MRPS28: variants seen among roughly 807,000 people sequenced by gnomAD.
MRPS28 encodes small ribosomal subunit protein bS1m.
Under a neutral mutation model 10.8 loss-of-function variants are expected in MRPS28, and 7 were observed. That is an observed-to-expected ratio of 0.65 (90% CI 0.37 to 1.22). MRPS28 has a LOEUF of 1.22. MRPS28 is among the 50% of genes most tolerant of loss of function. The probability of loss-of-function intolerance (pLI) is 0.02; values close to 1 mark genes in which losing one functional copy is unlikely to be tolerated. For missense variants in MRPS28, 265 were observed against 232.9 expected, an observed-to-expected ratio of 1.14 and a Z score of -0.90; for synonymous variants, 121 against 93.3, an observed-to-expected ratio of 1.30 and a Z score of -1.71.
At chr8:79,997,355 G>A (rs893237564) in intron 2 of MRPS28, among the ~76,000 whole-genome samples, 1 of 152,070 alleles carries the variant, frequency 6.6e-6, no homozygotes, top group Non-Finnish European at 1.5e-5. Context: ...TGGGGCCAAG[G>A]CGTTCTCTCT....
rs1244353640 is a variant in MRPS28 at position 79,947,667 on chromosome 8, C to A, written c.396-28519G>T. 2.9e-5 allele frequency among the ~76,000 whole-genome samples: 4 copies of A among 135,602 alleles called. No homozygotes were observed. The East Asian group carries it at 6.2e-4, about 21-fold the overall frequency. 89.0% of individuals were successfully genotyped at this position (135,602 alleles called of 152,430 possible). The stretch of plus-strand genomic sequence containing the variant: ...TTTTTTTTTTTGAGACGGAGTCTCG[C>A]TCTGTCGCCCAGGCTGGAGTGCAGT... On this transcript the variant is annotated intron_variant, in intron 2 of 2. Coordinates refer to ENST00000276585, the MANE Select transcript of MRPS28 (RefSeq NM_014018.3).
At chr8:79,920,737 T>C (rs1810070762) in intron 2 of MRPS28, among the ~76,000 whole-genome samples, 1 of 152,236 alleles carries the variant, frequency 6.6e-6, no homozygotes, top group Non-Finnish European at 1.5e-5. Flanking sequence ...ATTCTGTAGG[T>C]TACCTCTTCA....
At chr8:79,960,150 ACTCTTGCTTC>A (rs976072601) in intron 2 of MRPS28, among the ~76,000 whole-genome samples, 3 of 152,094 alleles carry the variant, frequency 2.0e-5, no homozygotes, top group Non-Finnish European at 4.4e-5. Context: ...CATGACAGGT[ACTCTTGCTTC>A]CTTTTTAAAG....
At chr8:79,925,018 G>A (rs1426923108) in intron 2 of MRPS28, among the ~76,000 whole-genome samples, 1 of 151,984 alleles carries the variant, frequency 6.6e-6, no homozygotes, top group Non-Finnish European at 1.5e-5. Context: ...TATCTGTACT[G>A]TACACCATCA....
intron 2 of MRPS28, among the ~76,000 whole-genome samples, chr8:79,940,827 T>C (rs966362820): frequency 3.3e-5 from 5 of 152,204 alleles, no homozygotes; most frequent in Non-Finnish European, 5.9e-5. Context: ...GAACAAGCAG[T>C]CTACAGTACC....
At chr8:79,975,017 G>T (rs923700949) in intron 2 of MRPS28, among the ~76,000 whole-genome samples, 18 of 152,118 alleles carry the variant, frequency 1.2e-4, no homozygotes. Context: ...AGGCACAGTA[G>T]CTCACACGTA....
chr8:79,920,189 A>G (rs1427939320), intron 2 of MRPS28, among the ~76,000 whole-genome samples: 1 of 151,972 alleles, frequency 6.6e-6, no homozygotes, highest in Admixed American at 6.5e-5. Flanking sequence ...CTAGTCTATC[A>G]TTGTTGGACA....
At chr8:79,933,019 T>C (rs553948718) in intron 2 of MRPS28, among the ~76,000 whole-genome samples, 55 of 152,348 alleles carry the variant, frequency 3.6e-4, no homozygotes, top group African/African-American at 1.2e-3. Flanking sequence ...AGAAAGCAGC[T>C]GACAAAGTTT....
chr8:80,002,363 T>C (rs754873330), intron 2 of MRPS28, among the ~76,000 whole-genome samples: 1 of 152,070 alleles, frequency 6.6e-6, no homozygotes, highest in South Asian at 2.1e-4. Flanking sequence ...ATATCAAAAA[T>C]AGTGAAAAGT....
At chr8:79,987,587 TCAAA>T (rs1258115355) in intron 2 of MRPS28, among the ~76,000 whole-genome samples, 1 of 151,566 alleles carries the variant, frequency 6.6e-6, no homozygotes, top group African/African-American at 2.4e-5. Context: ...CAAGAAAAAA[TCAAA>T]CAACCCCATC....
At chr8:79,939,935 A>C (rs1401106906) in intron 2 of MRPS28, among the ~76,000 whole-genome samples, 3 of 151,298 alleles carry the variant, frequency 2.0e-5, no homozygotes, top group South Asian at 2.1e-4. Context: ...ACGCCACTGC[A>C]CTCCAGCCTG....
intron 1 of MRPS28, among the ~76,000 whole-genome samples, chr8:80,025,704 T>C (rs1278017082): frequency 6.6e-6 from 1 of 152,190 alleles, no homozygotes; most frequent in African/African-American, 2.4e-5. Context: ...TTGTGTTAAG[T>C]GTTTTAAATA....
chr8:79,946,196 C>T (rs1009667337), intron 2 of MRPS28, among the ~76,000 whole-genome samples: 10 of 152,122 alleles, frequency 6.6e-5, no homozygotes, highest in African/African-American at 2.2e-4. Context: ...AATGTCACTG[C>T]CCAAAGCTAA....
At chr8:79,962,238 G>A (rs897608828) in intron 2 of MRPS28, among the ~76,000 whole-genome samples, 6 of 152,114 alleles carry the variant, frequency 3.9e-5, no homozygotes, top group Admixed American at 3.3e-4. Context: ...GATACAAGAG[G>A]TGATCCTGAA....
intron 2 of MRPS28, among the ~76,000 whole-genome samples, chr8:79,934,667 T>C (rs1563520024): frequency 2.0e-5 from 3 of 152,326 alleles, no homozygotes; most frequent in Admixed American, 6.5e-5. Context: ...TTTATATATA[T>C]GTTAAACATT....
At chr8:79,996,724 A>AT (rs1051149916) in intron 2 of MRPS28, among the ~76,000 whole-genome samples, 3 of 152,206 alleles carry the variant, frequency 2.0e-5, no homozygotes, top group African/African-American at 7.2e-5. Context: ...ACTACCTATG[A>AT]TTTTTTAACA....
At chr8:79,987,663 A>G (rs945258619) in intron 2 of MRPS28, among the ~76,000 whole-genome samples, 2 of 152,198 alleles carry the variant, frequency 1.3e-5, no homozygotes, top group Non-Finnish European at 2.9e-5. Context: ...GCAGCCAAAA[A>G]ACACATGAAA....
chr8:80,023,960 G>A (rs1809434614), intron 1 of MRPS28, among the ~76,000 whole-genome samples: 1 of 152,170 alleles, frequency 6.6e-6, no homozygotes, highest in African/African-American at 2.4e-5. Context: ...CTGGTGTGGT[G>A]GCTCACACCT....
intron 2 of MRPS28, among the ~76,000 whole-genome samples, chr8:79,936,891 C>T (rs892952902): frequency 6.6e-6 from 1 of 152,144 alleles, no homozygotes; most frequent in African/African-American, 2.4e-5. Context: ...ACAGGAGTCT[C>T]ACTCTATTGC....
Sources: allele counts gnomAD v4.1 joint callset (sites outside exome capture counted in the v4.1 genomes callset), GRCh38; gene constraint gnomAD v4.1.1; transcripts MANE v1.5; gene names NCBI Gene and HGNC (gene_info 2026-07-23, HGNC 2026-07-21).